C9: variants seen among roughly 807,000 people sequenced by gnomAD.
C9 encodes complement C9, also known as complement component C9.
A neutral mutation model predicts 65.4 loss-of-function variants in C9; 63 were observed. The observed-to-expected ratio is 0.96, with a 90% confidence interval of 0.79 to 1.19. The LOEUF (loss-of-function observed/expected upper bound fraction) is 1.19. Among genes scored for constraint, C9 ranks in the 50% most tolerant of loss-of-function variants. The pLI is 0.00. For missense variants in C9, 744 were observed against 670.1 expected, an observed-to-expected ratio of 1.11 and a Z score of -1.22; for synonymous variants, 229 against 227.9, an observed-to-expected ratio of 1.00 and a Z score of -0.04.
intron 6 of C9, among the ~76,000 whole-genome samples, chr5:39,315,321 G>A (rs987261839): frequency 3.3e-5 from 5 of 152,044 alleles, no homozygotes; most frequent in African/African-American, 4.8e-5. Context: ...AGTCTCAAAC[G>A]TATGATTACA....
intron 5 of C9, among the ~76,000 whole-genome samples, chr5:39,330,517 C>T (rs972348249): frequency 1.3e-5 from 2 of 152,194 alleles, no homozygotes; most frequent in African/African-American, 4.8e-5. Flanking sequence ...TAAATCAACA[C>T]AACAATAGCC....
chr5:39,314,288 A>T (rs1753535650), intron 6 of C9, among the ~76,000 whole-genome samples: 1 of 151,952 alleles, frequency 6.6e-6, no homozygotes. Flanking sequence ...CATTTCTACT[A>T]AAAATACAAA....
Position 39,341,183 on chromosome 5 carries a change from C to G in C9, c.439G>C (p.Val147Leu). 1 of 1,614,208 alleles carries G rather than the reference C, an allele frequency of 6.2e-7. No homozygotes were observed. The highest frequency in any genetic ancestry group is 8.5e-7 in the Non-Finnish European group (1 of 1,180,036). ...EPRPPCRDRVVEESELARTAG... is the reference protein window; with the variant it reads ...EPRPPCRDRVLEESELARTAG... ...GTTCGTGCCAGCTCAGACTCTTCTA[C>G]CACTCTGTCTCTGCAGGGGGGACGG... The change falls in exon 4 of 11, where the codon GTA becomes CTA. Residue 147 changes from valine (V) to leucine (L), a missense_variant. Coordinates refer to ENST00000263408, the MANE Select transcript of C9 (RefSeq NM_001737.5).
intron 9 of C9, among the ~76,000 whole-genome samples, chr5:39,301,794 A>T (rs140053487): frequency 2.0e-5 from 3 of 152,222 alleles, no homozygotes; most frequent in African/African-American, 7.2e-5. Flanking sequence ...GGAATATATC[A>T]AGAACTTCTA....
At chr5:39,336,555 G>A (rs1753969704) in intron 4 of C9, among the ~76,000 whole-genome samples, 1 of 151,866 alleles carries the variant, frequency 6.6e-6, no homozygotes, top group African/African-American at 2.4e-5. Flanking sequence ...AAATTTTATT[G>A]GAAAGCTATC....
chr5:39,343,562 G>T (rs1754131753), intron 1 of C9, among the ~76,000 whole-genome samples: 1 of 152,204 alleles, frequency 6.6e-6, no homozygotes, highest in South Asian at 2.1e-4. Flanking sequence ...ACAGCTCAAG[G>T]AGGCCTGCCT....
chr5:39,360,892 G>C (rs1331568515), intron 1 of C9, among the ~76,000 whole-genome samples: 2 of 152,136 alleles, frequency 1.3e-5, no homozygotes, highest in Non-Finnish European at 2.9e-5. Flanking sequence ...CTGTCACAAA[G>C]TGATTATCTT....
At chr5:39,329,344 T>C (rs549039621) in intron 5 of C9, among the ~76,000 whole-genome samples, 2 of 152,350 alleles carry the variant, frequency 1.3e-5, no homozygotes, top group Admixed American at 1.3e-4. Context: ...GGGCTTGCTA[T>C]ATGCCAGTGA....
chr5:39,360,168 T>C (rs568565793), intron 1 of C9, among the ~76,000 whole-genome samples: 1 of 152,240 alleles, frequency 6.6e-6, no homozygotes, highest in Non-Finnish European at 1.5e-5. Context: ...TTGCTAACAT[T>C]TGTGAGTGCT....
At chr5:39,350,574 C>G (rs978192526) in intron 1 of C9, among the ~76,000 whole-genome samples, 1 of 151,146 alleles carries the variant, frequency 6.6e-6, no homozygotes, top group East Asian at 1.9e-4. Flanking sequence ...GGTAAATGCT[C>G]CCTTTCCAAA....
At chr5:39,353,979 A>G (rs1754369954) in intron 1 of C9, among the ~76,000 whole-genome samples, 1 of 152,184 alleles carries the variant, frequency 6.6e-6, no homozygotes, top group Non-Finnish European at 1.5e-5. Context: ...AATCATCCAC[A>G]TGGTTTTTGA....
At chr5:39,285,815 G>T (rs1221523336) in intron 10 of C9, among the ~76,000 whole-genome samples, 1 of 151,758 alleles carries the variant, frequency 6.6e-6, no homozygotes, top group African/African-American at 2.4e-5. Flanking sequence ...AAGGAGGTTC[G>T]GTTAGTTGAG....
At chr5:39,310,221 C>G (rs116311875) in intron 7 of C9, among the ~76,000 whole-genome samples, 1 of 152,052 alleles carries the variant, frequency 6.6e-6, no homozygotes, top group East Asian at 1.9e-4. Context: ...TTACATTCCA[C>G]CCTTCACTTA....
chr5:39,327,753 G>A (rs1486587846), intron 5 of C9, among the ~76,000 whole-genome samples: 1 of 152,120 alleles, frequency 6.6e-6, no homozygotes, highest in African/African-American at 2.4e-5. Flanking sequence ...CATAGGAGAA[G>A]AGGAAAAGGA....
At chr5:39,343,073 A>T (rs1579872500) in intron 1 of C9, among the ~76,000 whole-genome samples, 2 of 152,200 alleles carry the variant, frequency 1.3e-5, no homozygotes, top group East Asian at 3.9e-4. Flanking sequence ...CTGAACAGGA[A>T]CAGCTCGTTT....
chr5:39,333,357 G>A (rs1753879382), intron 4 of C9, among the ~76,000 whole-genome samples: 1 of 152,064 alleles, frequency 6.6e-6, no homozygotes, highest in African/African-American at 2.4e-5. Flanking sequence ...TCAAAGCATG[G>A]GAATGAAGAG....
intron 5 of C9, among the ~76,000 whole-genome samples, chr5:39,318,315 T>C (rs1753607928): frequency 6.6e-6 from 1 of 152,188 alleles, no homozygotes; most frequent in East Asian, 1.9e-4. Context: ...AAAGATAATT[T>C]GACTTTCTCT....
chr5:39,335,943 G>C (rs1006188398), intron 4 of C9, among the ~76,000 whole-genome samples: 2 of 152,110 alleles, frequency 1.3e-5, no homozygotes, highest in African/African-American at 4.8e-5. Context: ...TACTCTGTTT[G>C]TCTCCGCTAT....
At chr5:39,342,238 A>G (rs915851820) in intron 1 of C9, 42 bp from the exon 2 acceptor site, 1 of 1,055,560 alleles carries the variant, frequency 9.5e-7, no homozygotes. Context: ...ACCATTGTGT[A>G]TATCTGTTTC....
Sources: allele counts gnomAD v4.1 joint callset (sites outside exome capture counted in the v4.1 genomes callset), GRCh38; gene constraint gnomAD v4.1.1; transcripts MANE v1.5; gene names NCBI Gene and HGNC (gene_info 2026-07-23, HGNC 2026-07-21).